PPP2R5D: variants seen among roughly 807,000 people sequenced by gnomAD.
The protein encoded by PPP2R5D is protein phosphatase 2 regulatory subunit B'delta, also known as serine/threonine-protein phosphatase 2A 56 kDa regulatory subunit delta isoform.
Under a neutral mutation model 79.1 loss-of-function variants are expected in PPP2R5D, and 12 were observed. That is an observed-to-expected ratio of 0.15 (90% confidence interval 0.10 to 0.25). The LOEUF is 0.25. Among genes scored for constraint, PPP2R5D ranks in the 10% least tolerant of loss-of-function variants. The probability of loss-of-function intolerance (pLI) is 1.00; values close to 1 mark genes in which losing one functional copy is unlikely to be tolerated. For synonymous variants in PPP2R5D, 277 were observed against 286.6 expected, an observed-to-expected ratio of 0.97 and a Z score of 0.34; for missense variants, 419 against 760.2, an observed-to-expected ratio of 0.55 and a Z score of 5.28.
At chr6:43,001,809 C>T (rs1772229501) in intron 2 of PPP2R5D, among the ~76,000 whole-genome samples, 4 of 151,792 alleles carry the variant, frequency 2.6e-5, no homozygotes, top group Admixed American at 2.6e-4. Flanking sequence ...ATTGCTTGAA[C>T]CCGGGAGGCA....
intron 2 of PPP2R5D, among the ~76,000 whole-genome samples, chr6:42,990,403 T>C (rs1453660505): frequency 6.6e-6 from 1 of 152,138 alleles, no homozygotes; most frequent in Non-Finnish European, 1.5e-5. Context: ...TGCTCTAAAC[T>C]GTTCAGAGGG....
intron 2 of PPP2R5D, among the ~76,000 whole-genome samples, chr6:43,002,142 T>C (rs549538663): frequency 5.3e-4 from 81 of 151,572 alleles, no homozygotes; most frequent in African/African-American, 1.9e-3. Context: ...AGCACCAAGC[T>C]CCACAGATAA....
At chr6:42,994,203 T>C (rs1314698327) in intron 2 of PPP2R5D, among the ~76,000 whole-genome samples, 2 of 152,154 alleles carry the variant, frequency 1.3e-5, no homozygotes, top group Non-Finnish European at 2.9e-5. Flanking sequence ...GGCAGGAGAA[T>C]TGCTTGAACC....
At position 43,007,560 on chromosome 6, in the gene PPP2R5D, A is replaced by C. The variant is rs571452414; in HGVS notation, c.726+54A>C. 1 of 1,472,370 alleles carries C rather than the reference A, an allele frequency of 6.8e-7. No homozygotes were observed. The highest frequency in any genetic ancestry group is 2.3e-5 in the East Asian group (1 of 44,208). The allele number at this position is 1,472,370 out of a possible 1,614,324, so 91.2% of individuals were successfully genotyped here. A position where few individuals can be genotyped will look rare whatever the true frequency, so the allele number is the denominator to read the frequency against. On this transcript the variant is annotated intron_variant, in intron 6 of 15. Transcript: ENST00000485511. This position sits in a 1 kb window ranked among gnomAD's most constrained non-coding sequence, Gnocchi z 4.5. ...TCTCTTTCCATTCCATGCCCCCTTC[A>C]TCTGTGTCCCAGTGGCTCTTTCCCC...
Position 43,012,271 on chromosome 6 carries a change from C to T in PPP2R5D, c.*985C>T. The stretch of plus-strand genomic sequence containing the variant: ...GTGCTTTATTCTCCACAGAGTGATA[C>T]ATGCTAAGGTGGGTTGGGCTTGGAC... On this transcript the variant is annotated 3_prime_UTR_variant, in exon 16 of 16. Coordinates refer to ENST00000485511, the MANE Select transcript of PPP2R5D (RefSeq NM_006245.4). 7.4e-7 allele frequency: 1 copy of T among 1,343,668 alleles called. No individual in the cohort carries two copies. Among genetic ancestry groups the T allele is most frequent in the Non-Finnish European group, 9.6e-7 (1 of 1,046,698 alleles). 83.2% of individuals were successfully genotyped at this position (1,343,668 alleles called of 1,614,324 possible).
chr6:43,008,651 A>G lies in PPP2R5D; in HGVS notation c.1027-42A>G, dbSNP rs763174293. On this transcript the variant is annotated intron_variant, in intron 9 of 15. Coordinates refer to ENST00000485511, the MANE Select transcript of PPP2R5D (RefSeq NM_006245.4). This position sits in a 1 kb window ranked among gnomAD's most constrained non-coding sequence, Gnocchi z 4.2. ...ATCACTGACTTCTCTGAGAGCTTCTAGGACCTACACCTCACCTCCCTTCTA... is the reference window on the plus strand; with the variant it reads ...ATCACTGACTTCTCTGAGAGCTTCTGGGACCTACACCTCACCTCCCTTCTA... 26 of 1,597,466 alleles carry G rather than the reference A, an allele frequency of 1.6e-5. No individual in the cohort carries two copies. The highest frequency in any genetic ancestry group is 2.2e-5 in the Non-Finnish European group (26 of 1,165,130).
chr6:43,003,876 A>G (rs1761914338), intron 2 of PPP2R5D, among the ~76,000 whole-genome samples: 1 of 151,700 alleles, frequency 6.6e-6, no homozygotes, highest in Admixed American at 6.6e-5. Flanking sequence ...CTGGGACTAC[A>G]GGCACCCACC....
In PPP2R5D at chr6:43,009,462, G is replaced by A. The variant is rs1433782646; in HGVS notation, c.1379+13G>A. The A allele has an allele frequency of 1.2e-6, 2 of 1,613,990 alleles. No individual in the cohort carries two copies. The highest frequency in any genetic ancestry group is 2.2e-5 in the South Asian group (2 of 91,068). On this transcript the variant is annotated intron_variant, in intron 12 of 15. Transcript: ENST00000485511. The surrounding 1 kb of genome is among the most constrained non-coding windows in gnomAD (Gnocchi z 5.6). ...GCCACTGGAACAAGTAAGGCGCTGGGGTGGGGCTGGGTGGTGGGGATCCAG... is the reference window on the plus strand; with the variant it reads ...GCCACTGGAACAAGTAAGGCGCTGGAGTGGGGCTGGGTGGTGGGGATCCAG...
intron 2 of PPP2R5D, among the ~76,000 whole-genome samples, chr6:43,004,277 C>T (rs1415804056): frequency 1.3e-5 from 2 of 152,184 alleles, no homozygotes; most frequent in East Asian, 3.8e-4. Flanking sequence ...CCTGCCTTGG[C>T]CTCCCAAAGT....
intron 2 of PPP2R5D, among the ~76,000 whole-genome samples, chr6:42,998,042 T>TATATATATATATAC (rs1771879329): frequency 7.3e-5 from 2 of 27,496 alleles, no homozygotes; most frequent in African/African-American, 2.1e-4. Context: ...TATATATATA[T>TATATATATATATAC]ATATATATAT....
Position 42,995,126 on chromosome 6 carries a change from C to CTTTTTTTTTTTTTTTTTTTTTT in PPP2R5D, c.105+5459_105+5460insTTTTTTTTTTTTTTTTTTTTTT, listed in dbSNP as rs889250251. On this transcript the variant is annotated intron_variant, in intron 2 of 15. Transcript: ENST00000485511. ...TTGTGTCCCACCGAACTTTTTCTTT[C>CTTTTTTTTTTTTTTTTTTTTTT]TTTTTTTTTTTTTTTTTTTTTGGAG... is the stretch of plus-strand genomic sequence containing the variant. Among the ~76,000 whole-genome samples, 39 of 106,346 alleles carry CTTTTTTTTTTTTTTTTTTTTTT rather than the reference C, an allele frequency of 3.7e-4. 4 individuals carry two copies. The highest frequency in any genetic ancestry group is 1.5e-3 in the African/African-American group (36 of 24,060). The allele number at this position is 106,346 out of a possible 152,430, so 69.8% of individuals were successfully genotyped here.
intron 2 of PPP2R5D, among the ~76,000 whole-genome samples, chr6:42,993,380 A>C (rs1488436131): frequency 6.6e-6 from 1 of 152,016 alleles, no homozygotes; most frequent in African/African-American, 2.4e-5. Flanking sequence ...CTGAGGCTGG[A>C]GAATTGCTTG....
chr6:42,985,775 C>CT (rs945324833), intron 1 of PPP2R5D, among the ~76,000 whole-genome samples: 9,017 of 118,260 alleles, frequency 0.076, 623 homozygotes, highest in African/African-American at 0.17. Context: ...CAGGCCATTT[C>CT]TTTTTTTTTT....
At chr6:42,995,126 CTTTTTTT>C (rs889250251) in intron 2 of PPP2R5D, among the ~76,000 whole-genome samples, 6 of 106,352 alleles carry the variant, frequency 5.6e-5, no homozygotes, top group African/African-American at 1.7e-4. Flanking sequence ...CTTTTTCTTT[CTTTTTTT>C]TTTTTTTTTT....
rs570110719 is a variant in PPP2R5D at position 43,010,299 on chromosome 6, C to T, written c.1380-169C>T. Among the ~76,000 whole-genome samples, 2 of 152,240 alleles carry T rather than the reference C, an allele frequency of 1.3e-5. No homozygotes were observed. The highest frequency in any genetic ancestry group is 2.1e-4 in the South Asian group (1 of 4,820). Reference sequence around the variant, plus strand: ...AAACCATGAAATGCCAGTCTCAAACCAGGTGATTTGGCCAGAGCTCTCTTC... The same window carrying T: ...AAACCATGAAATGCCAGTCTCAAACTAGGTGATTTGGCCAGAGCTCTCTTC... On this transcript the variant is annotated intron_variant, in intron 12 of 15. Transcript: ENST00000485511. This position sits in a 1 kb window ranked among gnomAD's most constrained non-coding sequence, Gnocchi z 4.7.
At position 43,006,513 on chromosome 6, in the gene PPP2R5D, A is replaced by T; in HGVS notation, c.156A>T (p.Pro52=). The change falls in exon 3 of 16, where the codon CCA becomes CCT. Residue 52 remains proline, a synonymous_variant. Coordinates refer to ENST00000485511, the MANE Select transcript of PPP2R5D (RefSeq NM_006245.4). The surrounding 1 kb of genome is among the most constrained non-coding windows in gnomAD (Gnocchi z 4.7). ...CCCAGCCCCAAGCCCAGTCTCAGCC[A>T]CCGTCATCCAACAAGCGTCCCAGCA... The part of the protein sequence containing the change: ...PQPQPQAQSQ[P]PSSNKRPSNS... The T allele has an allele frequency of 6.2e-7, 1 of 1,613,494 alleles. No individual in the cohort carries two copies. The highest frequency in any genetic ancestry group is 8.5e-7 in the Non-Finnish European group (1 of 1,179,820).
In PPP2R5D at chr6:43,006,816, G is replaced by A. The variant is rs1356087267; in HGVS notation, c.323-95G>A. The A allele has an allele frequency of 3.2e-6, 5 of 1,573,860 alleles. No homozygotes were observed. The Admixed American group carries it at 8.4e-5, about 27-fold the overall frequency. ...GGAAGGGGGTGCCAGGGAGCAGGAT[G>A]GTGGCAGGGTGGGGTAAGGGAAAGC... On this transcript the variant is annotated intron_variant, in intron 3 of 15. Transcript: ENST00000485511. The surrounding 1 kb of genome is among the most constrained non-coding windows in gnomAD (Gnocchi z 4.7).
In PPP2R5D at chr6:43,008,813, C is replaced by T. The variant is rs1581857834; in HGVS notation, c.1080+67C>T. 5 of 1,536,310 alleles carry T rather than the reference C, an allele frequency of 3.3e-6. No individual in the cohort carries two copies. In the East Asian group the frequency reaches 1.1e-4, roughly 35 times the overall value. On this transcript the variant is annotated intron_variant, in intron 10 of 15. Transcript: ENST00000485511. The surrounding 1 kb of genome is among the most constrained non-coding windows in gnomAD (Gnocchi z 4.2). ...AGCATCACTTGCCAGTCTGTACCTA[C>T]TGGGGGTGCCATAAGGGGGAACTCA...
intron 2 of PPP2R5D, among the ~76,000 whole-genome samples, chr6:42,998,954 G>A (rs1244614481): frequency 6.6e-6 from 1 of 152,234 alleles, no homozygotes; most frequent in Admixed American, 6.5e-5. Flanking sequence ...CGAATCGTTT[G>A]AGCCTGGGAG....
Sources: gnomAD v4.1 joint callset for allele counts (sites outside exome capture counted in the v4.1 genomes callset) on GRCh38, gnomAD v4.1.1 for gene constraint, Gnocchi (gnomAD v3.1) non-coding constraint, MANE v1.5 for transcripts, NCBI Gene and HGNC (gene_info 2026-07-23, HGNC 2026-07-21) for gene names.